The following LCLAT1 variants were observed in gnomAD, a reference collection of about 807,000 sequenced individuals.
The protein encoded by LCLAT1 is lysocardiolipin acyltransferase 1.
A neutral mutation model predicts 30.7 loss-of-function variants in LCLAT1; 11 were observed. The ratio of observed to expected loss-of-function variants is 0.36; its 90% CI spans 0.23 to 0.59. The LOEUF (loss-of-function observed/expected upper bound fraction) is 0.59. Among genes scored for constraint, LCLAT1 ranks in the 20% least tolerant of loss-of-function variants. The pLI, the probability that LCLAT1 is intolerant of heterozygous loss-of-function variation, is 0.77. For synonymous variants in LCLAT1, 155 were observed against 151.3 expected (o/e 1.02, Z -0.18); for missense variants, 402 against 458.6 (o/e 0.88, Z 1.13).
chr2:30,623,077 G>A (rs868506502), intron 5 of LCLAT1, among the ~76,000 whole-genome samples: 139 of 131,600 alleles, frequency 1.1e-3, no homozygotes, highest in African/African-American at 3.2e-3. Flanking sequence ...TTTTTGAGAC[G>A]GAGTCTCACT....
At chr2:30,547,206 G>A (rs1664465121) in intron 3 of LCLAT1, among the ~76,000 whole-genome samples, 3 of 152,080 alleles carry the variant, frequency 2.0e-5, no homozygotes, top group African/African-American at 2.4e-5. Context: ...TTCAAAGGGG[G>A]CTTCTAGTCA....
intron 1 of LCLAT1, among the ~76,000 whole-genome samples, chr2:30,493,643 T>C (rs1237359386): frequency 6.6e-6 from 1 of 152,218 alleles, no homozygotes; most frequent in East Asian, 1.9e-4. Flanking sequence ...TCTGTCACTC[T>C]AGAAAACTCC....
intron 1 of LCLAT1, among the ~76,000 whole-genome samples, chr2:30,454,192 T>C (rs1558446803): frequency 1.3e-5 from 2 of 152,342 alleles, no homozygotes; most frequent in Admixed American, 6.5e-5. Context: ...CTGTCTATAA[T>C]GTGGGAGATT....
intron 3 of LCLAT1, among the ~76,000 whole-genome samples, chr2:30,541,501 C>A (rs1249863618): frequency 1.3e-5 from 2 of 152,174 alleles, no homozygotes; most frequent in African/African-American, 2.4e-5. Context: ...ATAATCTTTT[C>A]TTGATTAGTT....
In LCLAT1 at chr2:30,533,293, C is replaced by G; in HGVS notation, c.343C>G (p.Leu115Val). ...RLEKICLKASLKGVPGFGWAM... is the reference protein window; with the variant it reads ...RLEKICLKASVKGVPGFGWAM... The stretch of plus-strand genomic sequence containing the variant: ...GGAGAAAATTTGCCTCAAAGCGAGT[C>G]TCAAAGGTGTTCCTGGATTTGGTAG... Residue 115 changes from leucine to valine, a missense_variant, in exon 3 of 6, where the codon CTC (leucine) becomes GTC (valine). Coordinates refer to ENST00000379509, the MANE Select transcript of LCLAT1 (RefSeq NM_001002257.3). 1 of 1,613,974 alleles carries G rather than the reference C, an allele frequency of 6.2e-7. No homozygotes were observed. The highest frequency in any genetic ancestry group is 1.1e-5 in the South Asian group (1 of 91,068).
intron 5 of LCLAT1, among the ~76,000 whole-genome samples, chr2:30,598,566 CTATTT>C (rs1558545296): frequency 2.0e-5 from 3 of 152,004 alleles, no homozygotes; most frequent in South Asian, 2.1e-4. Context: ...AGCTAGCAGT[CTATTT>C]TATTAACTTT....
intron 5 of LCLAT1, among the ~76,000 whole-genome samples, chr2:30,583,143 A>G (rs529734911): frequency 1.8e-4 from 28 of 152,248 alleles, no homozygotes; most frequent in Non-Finnish European, 3.1e-4. Flanking sequence ...ATAACTAGCT[A>G]TTGGGTATTA....
chr2:30,637,720 A>C (rs188926711), intron 5 of LCLAT1, among the ~76,000 whole-genome samples: 1 of 152,040 alleles, frequency 6.6e-6, no homozygotes, highest in Non-Finnish European at 1.5e-5. Context: ...TGAGATTACA[A>C]GCGTGCGCCA....
chr2:30,588,510 C>A (rs1666540874), intron 5 of LCLAT1, among the ~76,000 whole-genome samples: 1 of 152,162 alleles, frequency 6.6e-6, no homozygotes. Flanking sequence ...GAATTCCTAA[C>A]CAGACTCTGA....
intron 1 of LCLAT1, among the ~76,000 whole-genome samples, chr2:30,456,574 G>A (rs775482405): frequency 6.6e-6 from 1 of 152,024 alleles, no homozygotes; most frequent in Non-Finnish European, 1.5e-5. Context: ...GGTGGGCCAC[G>A]GTTTTTTTCT....
chr2:30,545,320 T>A (rs558718084), intron 3 of LCLAT1, among the ~76,000 whole-genome samples: 1 of 152,230 alleles, frequency 6.6e-6, no homozygotes, highest in South Asian at 2.1e-4. Context: ...TTGATGTAAT[T>A]TTAGGGAGTA....
chr2:30,568,303 T>G, intron 5 of LCLAT1, 127 bp downstream of exon 5: 1 of 538,318 alleles, frequency 1.9e-6, no homozygotes, highest in Non-Finnish European at 3.3e-6. Context: ...ATATTGTATT[T>G]TTATTCCAAG....
chr2:30,616,659 G>A (rs151174196), intron 5 of LCLAT1, among the ~76,000 whole-genome samples: 62 of 152,188 alleles, frequency 4.1e-4, no homozygotes, highest in South Asian at 2.7e-3. Flanking sequence ...GGAAATTAAC[G>A]TCCTAGAAAT....
intron 5 of LCLAT1, among the ~76,000 whole-genome samples, chr2:30,600,250 T>A (rs944149771): frequency 7.2e-5 from 11 of 152,108 alleles, no homozygotes; most frequent in Non-Finnish European, 2.9e-5. Flanking sequence ...ATTGAACAAC[T>A]AACTTGCTCC....
At chr2:30,481,293 G>C (rs1159301764) in intron 1 of LCLAT1, among the ~76,000 whole-genome samples, 1 of 152,228 alleles carries the variant, frequency 6.6e-6, no homozygotes, top group Non-Finnish European at 1.5e-5. Flanking sequence ...GCAAGTGTTA[G>C]GTAAGTAGAT....
At chr2:30,594,164 T>A (rs1666817183) in intron 5 of LCLAT1, among the ~76,000 whole-genome samples, 1 of 152,148 alleles carries the variant, frequency 6.6e-6, no homozygotes, top group African/African-American at 2.4e-5. Context: ...GACCTTTTAA[T>A]CTATGTTATT....
intron 1 of LCLAT1, among the ~76,000 whole-genome samples, chr2:30,457,073 A>G (rs1681873567): frequency 6.6e-6 from 1 of 152,228 alleles, no homozygotes; most frequent in African/African-American, 2.4e-5. Context: ...CAGTAAAACC[A>G]AACTCTCTTT....
Position 30,585,194 on chromosome 2 carries a change from C to G in LCLAT1, c.628+17018C>G, listed in dbSNP as rs1214625854. Among the ~76,000 whole-genome samples, 3 of 152,128 alleles carry G rather than the reference C, an allele frequency of 2.0e-5. No homozygotes were observed. In the East Asian group the frequency reaches 5.8e-4, roughly 29 times the overall value. ...CCATGCCTCTTCCTTGTTTCCCTCT[C>G]AAGCGCTGTTCATTTTCTCATATCT... On this transcript the variant is annotated intron_variant, in intron 5 of 5. Transcript: ENST00000379509.
intron 2 of LCLAT1, among the ~76,000 whole-genome samples, chr2:30,526,190 T>C (rs1685711880): frequency 7.5e-6 from 1 of 132,570 alleles, no homozygotes; most frequent in Non-Finnish European, 1.6e-5. Context: ...TAGACTGTTA[T>C]TTTTTTCACA....
Sources: gnomAD v4.1 joint callset for allele counts (sites outside exome capture counted in the v4.1 genomes callset) on GRCh38, gnomAD v4.1.1 for gene constraint, MANE v1.5 for transcripts, NCBI Gene and HGNC (gene_info 2026-07-23, HGNC 2026-07-21) for gene names.